Variants in KAZN observed in about 807,000 individuals in gnomAD.
KAZN encodes kazrin, periplakin interacting protein, also known as kazrin.
Under a neutral mutation model 87.4 loss-of-function variants are expected in KAZN, and 40 were observed. The observed-to-expected ratio is 0.46, with a 90% CI of 0.36 to 0.60. The LOEUF (loss-of-function observed/expected upper bound fraction) is 0.60, where lower values mean the gene tolerates loss of function less well. KAZN is among the 20% of genes least tolerant of loss of function. The pLI, the probability that KAZN is intolerant of heterozygous loss-of-function variation, is 0.00. For missense variants in KAZN, 898 were observed against 1,073.9 expected (o/e 0.84, Z 2.29); for synonymous variants, 466 against 458.3 (o/e 1.02, Z -0.22).
intron 3 of KAZN, 94 bp from the exon 4 acceptor site, chr1:15,043,895 T>C: frequency 7.8e-7 from 1 of 1,277,496 alleles, no homozygotes. Context: ...CCACTTCTTT[T>C]TCCATCTAGG....
At chr1:15,054,502 A>T (rs955359576) in intron 4 of KAZN, among the ~76,000 whole-genome samples, 1 of 152,128 alleles carries the variant, frequency 6.6e-6, no homozygotes, top group Non-Finnish European at 1.5e-5. Flanking sequence ...ATACAAAAAA[A>T]TTAGCTGGGC....
chr1:14,346,842 A>C (rs1658142158), intron 2 of KAZN, among the ~76,000 whole-genome samples: 1 of 152,218 alleles, frequency 6.6e-6, no homozygotes, highest in Non-Finnish European at 1.5e-5. Context: ...ACAAATATTT[A>C]TTGGGCATTA....
chr1:14,860,477 G>A (rs1402996984), intron 1 of KAZN, among the ~76,000 whole-genome samples: 1 of 152,172 alleles, frequency 6.6e-6, no homozygotes, highest in Admixed American at 6.6e-5. Context: ...TTACAGGCAT[G>A]AGCCACCACG....
intron 1 of KAZN, among the ~76,000 whole-genome samples, chr1:14,661,976 T>C (rs990276236): frequency 1.3e-5 from 2 of 152,170 alleles, no homozygotes; most frequent in Admixed American, 1.3e-4. Context: ...AGCATCATCA[T>C]CTGTTAGCCG....
intron 2 of KAZN, among the ~76,000 whole-genome samples, chr1:14,276,772 A>G (rs1449205015): frequency 6.6e-6 from 1 of 152,234 alleles, no homozygotes; most frequent in Non-Finnish European, 1.5e-5. Context: ...TCACATTCAC[A>G]GGTACTAGAG....
chr1:14,275,401 G>A (rs1652265471), intron 2 of KAZN, among the ~76,000 whole-genome samples: 2 of 149,822 alleles, frequency 1.3e-5, no homozygotes, highest in Admixed American at 6.6e-5. Flanking sequence ...AGCCCTCCAG[G>A]TAATTCTGAT....
rs75559038 is a variant in KAZN, at chr1:14,081,853, A to T, written c.92-98582A>T. Among the ~76,000 whole-genome samples the T allele has an allele frequency of 4.8e-3, 724 of 152,256 alleles. 4 individuals are homozygous for T. The highest frequency in any genetic ancestry group is 0.017 in the African/African-American group (690 of 41,554). On this transcript the variant is annotated intron_variant, in intron 1 of 16. Transcript: ENST00000636203. ...CTGCAGCCTTAACCTTCCGGGCTAGATCAATCTTCTGGGCTTGATTGATCC... is the reference window on the plus strand; with the variant it reads ...CTGCAGCCTTAACCTTCCGGGCTAGTTCAATCTTCTGGGCTTGATTGATCC...
chr1:15,065,952 AGTGAAAACACGAGT>A, intron 8 of KAZN, 199 bp downstream of exon 8: 1 of 1,395,338 alleles, frequency 7.2e-7, no homozygotes, highest in Non-Finnish European at 9.3e-7. Context: ...GCCTCTAACA[AGTGAAAACACGAGT>A]GTGAACCTCT....
intron 1 of KAZN, among the ~76,000 whole-genome samples, chr1:14,056,151 A>C (rs7539258): frequency 0.91 from 139,186 of 152,274 alleles, 63,717 homozygotes; most frequent in Admixed American, 0.95. Flanking sequence ...CCTTTGCCCA[A>C]CTGTGGTTGG....
rs1201356980 is a variant in KAZN, at chr1:14,769,753, A to G, written c.226+170530A>G. Among the ~76,000 whole-genome samples the G allele has an allele frequency of 6.6e-6, 1 of 152,228 alleles. No individual in the cohort carries two copies. The highest frequency in any genetic ancestry group is 6.5e-5 in the Admixed American group (1 of 15,284). ...TCATTCGTTCATTTAGTCAGCAAACATGGATTGACCATCCTCTGTGTGCTG... is the reference window on the plus strand; with the variant it reads ...TCATTCGTTCATTTAGTCAGCAAACGTGGATTGACCATCCTCTGTGTGCTG... On this transcript the variant is annotated intron_variant, in intron 1 of 14. Transcript: ENST00000376030. The surrounding 1 kb of genome is among the most constrained non-coding windows in gnomAD (Gnocchi z 4.1).
chr1:14,303,309 T>C (rs1165593719), intron 2 of KAZN, among the ~76,000 whole-genome samples: 1 of 152,088 alleles, frequency 6.6e-6, no homozygotes, highest in Non-Finnish European at 1.5e-5. Context: ...CGTGGTGAGA[T>C]CTTGGCTCAC....
intron 10 of KAZN, among the ~76,000 whole-genome samples, chr1:15,101,127 T>G (rs576823441): frequency 2.6e-5 from 4 of 151,678 alleles, no homozygotes; most frequent in African/African-American, 9.7e-5. Context: ...TCCGTTTGTT[T>G]CTCTGTTGAT....
intron 1 of KAZN, among the ~76,000 whole-genome samples, chr1:14,147,686 C>G (rs111395799): frequency 6.6e-6 from 1 of 151,862 alleles, no homozygotes; most frequent in African/African-American, 2.4e-5. Flanking sequence ...GTCCCAGCTA[C>G]TCGGCAGGCT....
intron 2 of KAZN, among the ~76,000 whole-genome samples, chr1:15,029,656 G>C (rs761392098): frequency 6.6e-6 from 1 of 152,196 alleles, no homozygotes; most frequent in East Asian, 1.9e-4. Context: ...TGAGGTGCTG[G>C]GGGGGTTCCC....
chr1:14,058,795 G>T (rs986109961), intron 1 of KAZN, among the ~76,000 whole-genome samples: 1 of 152,186 alleles, frequency 6.6e-6, no homozygotes, highest in African/African-American at 2.4e-5. Context: ...TCTCTGAGAT[G>T]ATATTTAAGC....
At chr1:14,280,493 C>T (rs949793293) in intron 2 of KAZN, among the ~76,000 whole-genome samples, 5 of 151,272 alleles carry the variant, frequency 3.3e-5, no homozygotes, top group Non-Finnish European at 5.9e-5. Flanking sequence ...GGTAATGCCA[C>T]GTGAAGGTGA....
At chr1:14,536,351 G>C (rs1185743898) in intron 2 of KAZN, among the ~76,000 whole-genome samples, 1 of 152,162 alleles carries the variant, frequency 6.6e-6, no homozygotes, top group Admixed American at 6.5e-5. Flanking sequence ...CATGTGTCTG[G>C]GGAGAGTGGA....
At chr1:14,933,019 G>C (rs1007981643) in intron 1 of KAZN, among the ~76,000 whole-genome samples, 1 of 152,092 alleles carries the variant, frequency 6.6e-6, no homozygotes, top group Non-Finnish European at 1.5e-5. Flanking sequence ...TCCAGTTTCT[G>C]TCTGTATGTG....
chr1:14,286,567 A>G (rs1055541506), intron 2 of KAZN, among the ~76,000 whole-genome samples: 1 of 152,240 alleles, frequency 6.6e-6, no homozygotes, highest in Non-Finnish European at 1.5e-5. Flanking sequence ...AATATTAGCC[A>G]TTATTACACA....
Sources: allele counts gnomAD v4.1 joint callset (sites outside exome capture counted in the v4.1 genomes callset), GRCh38; gene constraint gnomAD v4.1.1; non-coding constraint Gnocchi (gnomAD v3.1); transcripts MANE v1.5; gene names NCBI Gene and HGNC (gene_info 2026-07-23, HGNC 2026-07-21).